Variants in SCFD1 observed in about 807,000 individuals in gnomAD.
SCFD1 encodes sec1 family domain containing 1.
SCFD1 carries 37 observed loss-of-function variants against 103.2 expected under a neutral mutation model. The observed-to-expected ratio is 0.36, with a 90% CI of 0.28 to 0.47. The LOEUF (loss-of-function observed/expected upper bound fraction) is 0.47, where lower values mean the gene tolerates loss of function less well. Ranked by LOEUF, SCFD1 falls within the 20% of genes least tolerant of loss-of-function variation. The probability of loss-of-function intolerance (pLI) is 1.00; values close to 1 mark genes in which losing one functional copy is unlikely to be tolerated. For synonymous variants in SCFD1, 264 were observed against 245.0 expected (o/e 1.08, Z -0.73); for missense variants, 639 against 761.2 (o/e 0.84, Z 1.89).
chr14:30,702,308 C>T lies in SCFD1; in HGVS notation c.1423C>T (p.Gln475Ter). The T allele has an allele frequency of 6.3e-7, 1 of 1,594,014 alleles. No homozygotes were observed. The highest frequency in any genetic ancestry group is 1.4e-5 in the African/African-American group (1 of 74,016). Residue 475 changes from glutamine to a stop codon, truncating the protein, a stop_gained, in exon 17 of 25, where the codon CAA (glutamine) becomes TAA (stop). Transcript: ENST00000458591. LOFTEE classifies it high-confidence loss of function. ...TTTCTTATTTCAGGCTGATTTGGAG[C>T]AATATAAAAAAGCTTTAACTGATGC... is the stretch of plus-strand genomic sequence containing the variant. ...QQAPSEADLEQYKKALTDAGC... is the reference protein window; with the variant it reads ...QQAPSEADLE
chr14:30,715,994 A>C lies in SCFD1; in HGVS notation c.1683+17A>C, dbSNP rs1257226446. 1 of 1,452,284 alleles carries C rather than the reference A, an allele frequency of 6.9e-7. No homozygotes were observed. Among genetic ancestry groups the C allele is most frequent in the Non-Finnish European group, 9.6e-7 (1 of 1,045,892 alleles). 90.0% of individuals were successfully genotyped at this position (1,452,284 alleles called of 1,614,324 possible). ...TCAAACCCCGTGAGTACCATATAAC[A>C]TATTTTGTGTAAATTCCCGAATGTG... On this transcript the variant is annotated intron_variant, in intron 20 of 24. Transcript: ENST00000458591.
chr14:30,680,231 G>A lies in SCFD1; in HGVS notation c.1242+5166G>A, dbSNP rs538981124. 1.3e-4 allele frequency among the ~76,000 whole-genome samples: 20 copies of A among 152,234 alleles called. No homozygotes were observed. The East Asian group carries it at 3.9e-3, about 29-fold the overall frequency. ...TAGGTTCATAAAGATTAAATTCAAA[G>A]GAATAAAGACATCTCAAAACTCAAT... On this transcript the variant is annotated intron_variant, in intron 14 of 24. Transcript: ENST00000458591.
At chr14:30,698,260 G>A (rs1202256214) in intron 15 of SCFD1, among the ~76,000 whole-genome samples, 10 of 152,140 alleles carry the variant, frequency 6.6e-5, no homozygotes, top group Admixed American at 6.5e-4. Context: ...GTAGCTACAG[G>A]CTTTAGAATA....
chr14:30,674,837 G>C, intron 13 of SCFD1, 147 bp from the exon 14 acceptor site: 2 of 458,460 alleles, frequency 4.4e-6, no homozygotes, highest in Non-Finnish European at 7.9e-6. Flanking sequence ...TTCAAGTCTA[G>C]AGATTAAATT....
chr14:30,720,560 TG>T (rs369118923), intron 21 of SCFD1, among the ~76,000 whole-genome samples: 213 of 152,208 alleles, frequency 1.4e-3, no homozygotes, highest in African/African-American at 4.8e-3. Context: ...CGAAAATATT[TG>T]GGGGGAAAAA....
intron 9 of SCFD1, among the ~76,000 whole-genome samples, chr14:30,651,866 T>G (rs1886423990): frequency 1.3e-5 from 2 of 152,164 alleles, no homozygotes; most frequent in Admixed American, 1.3e-4. Context: ...CCATAGCCAT[T>G]TGGTAATGTC....
intron 12 of SCFD1, 126 bp from the exon 13 acceptor site, chr14:30,673,798 G>A (rs979094330): frequency 1.5e-6 from 1 of 675,632 alleles, no homozygotes; most frequent in Non-Finnish European, 2.7e-6. Flanking sequence ...TACTATTCTA[G>A]GTGACTTAAA....
At chr14:30,718,765 GTC>G (rs1464759778) in intron 20 of SCFD1, among the ~76,000 whole-genome samples, 1 of 152,198 alleles carries the variant, frequency 6.6e-6, no homozygotes. Flanking sequence ...TGCCTTGTAA[GTC>G]TGGCTGGTAG....
At chr14:30,667,588 T>C (rs896538553) in intron 10 of SCFD1, among the ~76,000 whole-genome samples, 1 of 152,160 alleles carries the variant, frequency 6.6e-6, no homozygotes, top group African/African-American at 2.4e-5. Context: ...ATAAAGGGTA[T>C]TCAATTAGGA....
At chr14:30,724,072 TAAAAAA>T (rs59654790) in intron 23 of SCFD1, among the ~76,000 whole-genome samples, 62 of 91,342 alleles carry the variant, frequency 6.8e-4, no homozygotes, top group South Asian at 5.9e-3. Flanking sequence ...ACCAGTATCT[TAAAAAA>T]AAAAAAAAAA....
chr14:30,730,889 C>T (rs1441333375), intron 23 of SCFD1, among the ~76,000 whole-genome samples: 3 of 152,010 alleles, frequency 2.0e-5, no homozygotes, highest in African/African-American at 4.8e-5. Flanking sequence ...CTTTTGTTGC[C>T]ATTGCTTTTG....
chr14:30,670,306 C>G lies in SCFD1; in HGVS notation c.906C>G (p.Asn302Lys), dbSNP rs1174676916. 6.3e-7 allele frequency: 1 copy of G among 1,597,004 alleles called. No homozygotes were observed. The highest frequency in any genetic ancestry group is 8.5e-7 in the Non-Finnish European group (1 of 1,173,388). ...TGGAAGAATCTTCAGGAGTGGAAAACTCTCCAGCTGGTGCTAGACCAAAGA... is the reference window on the plus strand; with the variant it reads ...TGGAAGAATCTTCAGGAGTGGAAAAGTCTCCAGCTGGTGCTAGACCAAAGA... ...VNLEESSGVE[N>K]SPAGARPKRK... The change falls in exon 11 of 25, where the codon AAC becomes AAG. Residue 302 changes from asparagine to lysine, a missense_variant. By Grantham distance (94) the Asn-to-Lys change is moderately conservative. Transcript: ENST00000458591.
chr14:30,634,126 C>T, intron 4 of SCFD1, 89 bp downstream of exon 4: 1 of 691,858 alleles, frequency 1.4e-6, no homozygotes. Context: ...GGTGAAAAAT[C>T]AGAAATTCCT....
At position 30,712,752 on chromosome 14, in the gene SCFD1, C is replaced by G. The variant is rs540525038; in HGVS notation, c.1630-3172C>G. 2.0e-5 allele frequency among the ~76,000 whole-genome samples: 3 copies of G among 152,232 alleles called. No individual in the cohort carries two copies. The South Asian group carries it at 6.2e-4, about 32-fold the overall frequency. On this transcript the variant is annotated intron_variant, in intron 19 of 24. Coordinates refer to ENST00000458591, the MANE Select transcript of SCFD1 (RefSeq NM_016106.4). ...TATTCCTGTGTATAGGACTCTGTCTCTCAAATCTATATCTATAATGGCTTT... is the reference window on the plus strand; with the variant it reads ...TATTCCTGTGTATAGGACTCTGTCTGTCAAATCTATATCTATAATGGCTTT...
At chr14:30,716,476 C>T (rs1307592900) in intron 20 of SCFD1, among the ~76,000 whole-genome samples, 1 of 152,112 alleles carries the variant, frequency 6.6e-6, no homozygotes, top group East Asian at 1.9e-4. Flanking sequence ...ATACCGTTAG[C>T]ATTGACTTAA....
intron 7 of SCFD1, among the ~76,000 whole-genome samples, chr14:30,648,734 C>G (rs1173666274): frequency 6.6e-6 from 1 of 152,180 alleles, no homozygotes; most frequent in Non-Finnish European, 1.5e-5. Context: ...GAAACTTTGT[C>G]TACAACCTTT....
chr14:30,632,775 C>T (rs1327594302), intron 3 of SCFD1, among the ~76,000 whole-genome samples: 1 of 152,174 alleles, frequency 6.6e-6, no homozygotes, highest in Non-Finnish European at 1.5e-5. Flanking sequence ...ATTGCTTGAC[C>T]ACTAATTCTG....
chr14:30,655,598 T>G (rs1338891914), intron 10 of SCFD1, among the ~76,000 whole-genome samples: 4 of 152,176 alleles, frequency 2.6e-5, no homozygotes, highest in Admixed American at 2.6e-4. Flanking sequence ...TTATCTTAGC[T>G]GAGATGATAG....
At chr14:30,709,982 A>G (rs1045306881) in intron 19 of SCFD1, among the ~76,000 whole-genome samples, 1 of 152,222 alleles carries the variant, frequency 6.6e-6, no homozygotes, top group Non-Finnish European at 1.5e-5. Context: ...ATAACTCATA[A>G]TATTTAGAAA....
Sources: allele counts gnomAD v4.1 joint callset (sites outside exome capture counted in the v4.1 genomes callset), GRCh38; gene constraint gnomAD v4.1.1; transcripts MANE v1.5; gene names NCBI Gene and HGNC (gene_info 2026-07-23, HGNC 2026-07-21).